Variants in RPAP2 observed in about 807,000 individuals in gnomAD.
RPAP2 encodes the protein RNA polymerase II associated protein 2, also known as putative RNA polymerase II subunit B1 CTD phosphatase RPAP2.
In RPAP2, 52 loss-of-function variants were observed where a neutral mutation model predicts 73.1. The observed-to-expected ratio is 0.71, with a 90% confidence interval of 0.57 to 0.90. The LOEUF (loss-of-function observed/expected upper bound fraction) is 0.90, where lower values mean the gene tolerates loss of function less well. RPAP2 is among the 40% of genes least tolerant of loss of function. The probability of loss-of-function intolerance (pLI) is 0.00; values close to 1 mark genes in which losing one functional copy is unlikely to be tolerated. For synonymous variants in RPAP2, 225 were observed against 242.1 expected, an observed-to-expected ratio of 0.93 and a Z score of 0.65; for missense variants, 598 against 701.8, an observed-to-expected ratio of 0.85 and a Z score of 1.67.
At chr1:92,342,939 G>C (rs1045831595) in intron 10 of RPAP2, among the ~76,000 whole-genome samples, 1 of 152,192 alleles carries the variant, frequency 6.6e-6, no homozygotes, top group Admixed American at 6.5e-5. Flanking sequence ...CCAAGTAGAA[G>C]TGTCAAGTGG....
Position 92,399,045 on chromosome 1 carries a change from G to C in RPAP2, c.*12034G>C, listed in dbSNP as rs1159733854. The C allele has an allele frequency of 6.6e-6, 1 of 152,232 alleles. No individual in the cohort carries two copies. Among genetic ancestry groups the C allele is most frequent in the African/African-American group, 2.4e-5 (1 of 41,462 alleles). 9.4% of individuals were successfully genotyped at this position (152,232 alleles called of 1,614,324 possible). On this transcript the variant is annotated 3_prime_UTR_variant, in exon 13 of 13. Coordinates refer to ENST00000610020, the MANE Select transcript of RPAP2 (RefSeq NM_024813.3). ...GGAAAACATTACCAATAAAGGAGCT[G>C]GGAGGTGGAATTGGATCAAAATACC... is the stretch of plus-strand genomic sequence containing the variant.
At chr1:92,385,061 C>A (rs1655808828) in intron 12 of RPAP2, among the ~76,000 whole-genome samples, 1 of 151,624 alleles carries the variant, frequency 6.6e-6, no homozygotes, top group South Asian at 2.1e-4. Flanking sequence ...GTAATCCCAG[C>A]TACTCGGGAG....
rs1370876323 is a variant in RPAP2, at chr1:92,301,562, A to G, written c.206A>G (p.Asn69Ser). Residue 69 changes from asparagine (N) to serine (S), a missense_variant, in exon 3 of 13, where the codon AAT becomes AGT. Around this residue, in one of 3 missense-constraint regions of RPAP2, gnomAD observed 506 missense variants for 612.8 expected, o/e 0.83. Coordinates refer to ENST00000610020, the MANE Select transcript of RPAP2 (RefSeq NM_024813.3). ...ATTGTTGAACAGCTTTTAGAGGAGA[A>G]TATTACAGAAGAGTTCCTAATGGAG... ...LHIVEQLLEE[N>S]ITEEFLMECG... The G allele has an allele frequency of 2.6e-6, 4 of 1,547,036 alleles. No individual in the cohort carries two copies. Among genetic ancestry groups the G allele is most frequent in the South Asian group, 1.2e-5 (1 of 84,572 alleles).
chr1:92,395,338 A>G lies in RPAP2; in HGVS notation c.*8327A>G, dbSNP rs1434435428. On this transcript the variant is annotated 3_prime_UTR_variant, in exon 13 of 13. Transcript: ENST00000610020. ...ATATAAAATTTTGTTTCAAAAAACT[A>G]TTAAGAAAATTAATTGGCCCGGGGA... is the stretch of plus-strand genomic sequence containing the variant. The G allele has an allele frequency of 6.6e-6, 1 of 152,162 alleles. No homozygotes were observed. The highest frequency in any genetic ancestry group is 3.2e-3 in the Middle Eastern group (1 of 316). The allele number at this position is 152,162 out of a possible 1,614,324, so 9.4% of individuals were successfully genotyped here.
At chr1:92,386,976 A>C in intron 12 of RPAP2, 35 bp from the exon 13 acceptor site, 1 of 1,578,216 alleles carries the variant, frequency 6.3e-7, no homozygotes, top group East Asian at 2.3e-5. Context: ...CTCCCAATAC[A>C]TGTTTTACTC....
chr1:92,324,488 GTTTC>G, intron 8 of RPAP2, 113 bp downstream of exon 8: 1 of 792,880 alleles, frequency 1.3e-6, no homozygotes, highest in Non-Finnish European at 2.0e-6. Flanking sequence ...TTTTCAAATA[GTTTC>G]TTTAGTCATT....
intron 9 of RPAP2, among the ~76,000 whole-genome samples, chr1:92,333,675 G>C (rs1254737501): frequency 2.0e-5 from 3 of 152,124 alleles, no homozygotes; most frequent in African/African-American, 4.8e-5. Context: ...AGAGGACACA[G>C]AGGCACATCA....
chr1:92,320,705 G>A lies in RPAP2; in HGVS notation c.524+71G>A, dbSNP rs1434599894. ...TAGAAACATTAGGAGTGAACCAGGT[G>A]ATATGAGCTCTTGGACTTCCTGTGC... On this transcript the variant is annotated intron_variant, in intron 7 of 12. Transcript: ENST00000610020. The A allele has an allele frequency of 4.8e-6, 6 of 1,238,240 alleles. No homozygotes were observed. In the East Asian group the frequency reaches 1.4e-4, roughly 29 times the overall value. 76.7% of individuals were successfully genotyped at this position (1,238,240 alleles called of 1,614,324 possible).
In RPAP2 at chr1:92,387,229, C is replaced by G. The variant is rs561554691; in HGVS notation, c.*218C>G. The G allele has an allele frequency of 1.2e-4, 46 of 390,184 alleles. No homozygotes were observed. The Admixed American group carries it at 1.8e-3, about 16-fold the overall frequency. The allele number at this position is 390,184 out of a possible 1,614,324, so 24.2% of individuals were successfully genotyped here. ...GAATCATTACTCCAACAAGAATAACCAAGTCTTTGTATCCCTAGTACAAGA... is the reference window on the plus strand; with the variant it reads ...GAATCATTACTCCAACAAGAATAACGAAGTCTTTGTATCCCTAGTACAAGA... On this transcript the variant is annotated 3_prime_UTR_variant, in exon 13 of 13. Coordinates refer to ENST00000610020, the MANE Select transcript of RPAP2 (RefSeq NM_024813.3).
At chr1:92,351,251 A>G (rs1177814671) in intron 11 of RPAP2, among the ~76,000 whole-genome samples, 1 of 143,766 alleles carries the variant, frequency 7.0e-6, no homozygotes, top group Non-Finnish European at 1.5e-5. Flanking sequence ...AGGTTGCAGT[A>G]AGCCAAGATT....
chr1:92,317,307 G>C (rs1485482386), intron 6 of RPAP2, among the ~76,000 whole-genome samples: 1 of 152,086 alleles, frequency 6.6e-6, no homozygotes, highest in East Asian at 1.9e-4. Context: ...AGGAATTCGA[G>C]ACCAGCCTGG....
At chr1:92,334,573 T>C (rs944976769) in intron 9 of RPAP2, among the ~76,000 whole-genome samples, 3 of 151,994 alleles carry the variant, frequency 2.0e-5, no homozygotes, top group Non-Finnish European at 2.9e-5. Flanking sequence ...ATGTGCCAGG[T>C]GTGGTGGCTC....
At chr1:92,378,128 TCTC>T (rs540538459) in intron 11 of RPAP2, among the ~76,000 whole-genome samples, 1 of 152,202 alleles carries the variant, frequency 6.6e-6, no homozygotes, top group Non-Finnish European at 1.5e-5. Flanking sequence ...CAAATACTAA[TCTC>T]CTTGAAAGTC....
intron 11 of RPAP2, among the ~76,000 whole-genome samples, chr1:92,349,121 T>G (rs1482689440): frequency 1.3e-5 from 2 of 152,314 alleles, no homozygotes; most frequent in South Asian, 2.1e-4. Context: ...TTCAGAAAAT[T>G]TTCACATCTA....
chr1:92,372,864 A>G (rs1655210027), intron 11 of RPAP2, among the ~76,000 whole-genome samples: 1 of 152,212 alleles, frequency 6.6e-6, no homozygotes, highest in African/African-American at 2.4e-5. Context: ...TCAGTGAGCT[A>G]TGATCGCACC....
intron 11 of RPAP2, among the ~76,000 whole-genome samples, chr1:92,367,807 G>A (rs1472311505): frequency 6.6e-6 from 1 of 152,190 alleles, no homozygotes; most frequent in Non-Finnish European, 1.5e-5. Context: ...GAAAGATTAT[G>A]TGGAGTATGA....
intron 12 of RPAP2, among the ~76,000 whole-genome samples, chr1:92,384,114 C>T (rs1424723805): frequency 4.6e-5 from 7 of 151,566 alleles, no homozygotes; most frequent in Admixed American, 3.9e-4. Flanking sequence ...TGCACCACCA[C>T]GCCCAGCTAA....
chr1:92,380,603 GT>G, intron 11 of RPAP2, 120 bp from the exon 12 acceptor site: 1 of 593,014 alleles, frequency 1.7e-6, no homozygotes, highest in African/African-American at 1.9e-5. Context: ...CTCTCTGGGA[GT>G]TTAGTTAAAT....
At chr1:92,354,353 A>C (rs1654359241) in intron 11 of RPAP2, among the ~76,000 whole-genome samples, 1 of 152,226 alleles carries the variant, frequency 6.6e-6, no homozygotes, top group Non-Finnish European at 1.5e-5. Flanking sequence ...TTCTGAGAGA[A>C]TTGTTACAAG....
Sources: gnomAD v4.1 joint callset for allele counts (sites outside exome capture counted in the v4.1 genomes callset) on GRCh38, gnomAD v4.1.1 for gene constraint, gnomAD v4.1.1 regional missense constraint, MANE v1.5 for transcripts, NCBI Gene and HGNC (gene_info 2026-07-23, HGNC 2026-07-21) for gene names.